Variants in ZNF516 observed in about 807,000 individuals in gnomAD.
ZNF516 encodes the protein zinc finger protein 516.
In ZNF516, 19 loss-of-function variants were observed where a neutral mutation model predicts 79.7. That is an observed-to-expected ratio of 0.24 (90% CI 0.17 to 0.35). The LOEUF (loss-of-function observed/expected upper bound fraction) is 0.35, where lower values mean the gene tolerates loss of function less well. ZNF516 is among the 10% of genes least tolerant of loss of function. ZNF516 has a pLI of 1.00. For synonymous variants in ZNF516, 877 were observed against 739.5 expected (o/e 1.19, Z -3.02); for missense variants, 1,678 against 1,679.5 (o/e 1.00, Z 0.02).
At chr18:76,381,891 G>C (rs925405069) in intron 3 of ZNF516, among the ~76,000 whole-genome samples, 3 of 152,234 alleles carry the variant, frequency 2.0e-5, no homozygotes, top group African/African-American at 4.8e-5. Flanking sequence ...CAGCACTATG[G>C]GGGGCCGAGG....
chr18:76,390,820 T>A (rs1175363266), intron 3 of ZNF516, among the ~76,000 whole-genome samples: 2 of 152,146 alleles, frequency 1.3e-5, no homozygotes, highest in Admixed American at 6.6e-5. Flanking sequence ...CCTGGAACCA[T>A]GCCAGGAACT....
chr18:76,376,101 G>A (rs2144987604), intron 4 of ZNF516, among the ~76,000 whole-genome samples: 1 of 152,372 alleles, frequency 6.6e-6, no homozygotes, highest in East Asian at 1.9e-4. Flanking sequence ...AAGCCTTAAA[G>A]AACTATGACA....
chr18:76,457,573 C>T (rs889302834), intron 2 of ZNF516, among the ~76,000 whole-genome samples: 3 of 152,166 alleles, frequency 2.0e-5, no homozygotes, highest in Admixed American at 2.0e-4. Context: ...ACAAATTAGC[C>T]GAGCGTGGCA....
intron 6 of ZNF516, among the ~76,000 whole-genome samples, chr18:76,366,823 T>A (rs1021514706): frequency 2.6e-5 from 4 of 152,196 alleles, no homozygotes; most frequent in Non-Finnish European, 5.9e-5. Context: ...TAAGCACCAT[T>A]ATCATTATTT....
In ZNF516 at chr18:76,379,205, G is replaced by A. The variant is rs776583239; in HGVS notation, c.2909C>T (p.Ala970Val). Residue 970 changes from alanine to valine, a missense_variant, in exon 4 of 7, where the codon GCC (alanine) becomes GTC (valine). Physicochemically the swap from Ala to Val is moderately conservative, Grantham distance 64. This residue lies in a region of ZNF516 where 1,294 missense variants were observed against 1,248.3 expected (regional missense o/e 1.04). Coordinates refer to ENST00000443185, the MANE Select transcript of ZNF516 (RefSeq NM_014643.4). ...GAATTTGGCTTTCAGGGAGTCCGGG[G>A]CACTGTGCTTATTTGTGGGGGCAAA... ...AGFAPTNKHS[A>V]PDSLKAKFSA... 3.7e-6 allele frequency: 6 copies of A among 1,612,892 alleles called. No homozygotes were observed. The East Asian group carries it at 1.3e-4, about 36-fold the overall frequency.
At chr18:76,398,670 A>G (rs189448829) in intron 3 of ZNF516, among the ~76,000 whole-genome samples, 15 of 152,322 alleles carry the variant, frequency 9.8e-5, no homozygotes, top group Admixed American at 9.1e-4. Context: ...AGTCACAAAG[A>G]ATACAATTAA....
chr18:76,361,641 G>T lies in ZNF516; in HGVS notation c.*857C>A, dbSNP rs751555980. On this transcript the variant is annotated 3_prime_UTR_variant, in exon 7 of 7. Coordinates refer to ENST00000443185, the MANE Select transcript of ZNF516 (RefSeq NM_014643.4). The stretch of plus-strand genomic sequence containing the variant: ...GGAGGACTCAGTGGCTAAATAATTT[G>T]TTAAGACGTATAGTCTTCCTTTGTA... The T allele has an allele frequency of 1.3e-5, 2 of 152,218 alleles. No individual in the cohort carries two copies. Among genetic ancestry groups the T allele is most frequent in the Non-Finnish European group, 2.9e-5 (2 of 68,046 alleles). 9.4% of individuals were successfully genotyped at this position (152,218 alleles called of 1,614,324 possible).
At chr18:76,369,396 G>A (rs550747328) in intron 6 of ZNF516, among the ~76,000 whole-genome samples, 4 of 152,106 alleles carry the variant, frequency 2.6e-5, no homozygotes, top group South Asian at 2.1e-4. Flanking sequence ...ACAATACACA[G>A]AAATTCCAAC....
intron 1 of ZNF516, among the ~76,000 whole-genome samples, chr18:76,463,950 A>T (rs1468170973): frequency 3.9e-5 from 6 of 152,322 alleles, no homozygotes; most frequent in African/African-American, 9.6e-5. Context: ...AGACAGAAGA[A>T]GATCCACCGA....
At chr18:76,482,787 A>C (rs1020852560) in intron 1 of ZNF516, among the ~76,000 whole-genome samples, 1 of 152,230 alleles carries the variant, frequency 6.6e-6, no homozygotes, top group East Asian at 1.9e-4. Flanking sequence ...ACATACAAAT[A>C]GTGAGATTTC....
chr18:76,421,970 GTTTT>G lies in ZNF516; in HGVS notation c.1810+19271_1810+19274del, dbSNP rs1183236034. On this transcript the variant is annotated intron_variant, in intron 3 of 6. Transcript: ENST00000443185. ...TAAGGCAAGTGTTTTGTTTTGTTTTGTTTTTTGTTTTTAATCTTAGAAATTAAAT... is the reference window on the plus strand; with the variant it reads ...TAAGGCAAGTGTTTTGTTTTGTTTTGTTGTTTTTAATCTTAGAAATTAAAT... 2.6e-5 allele frequency among the ~76,000 whole-genome samples: 4 copies of G among 152,176 alleles called. No homozygotes were observed. The South Asian group carries it at 8.3e-4, about 32-fold the overall frequency.
intron 1 of ZNF516, among the ~76,000 whole-genome samples, chr18:76,487,777 T>C (rs1034636327): frequency 6.6e-6 from 1 of 151,262 alleles, no homozygotes; most frequent in Non-Finnish European, 1.5e-5. Context: ...CACTGGTTCC[T>C]GGGACCAGAG....
At chr18:76,479,693 T>C (rs1297524377) in intron 1 of ZNF516, among the ~76,000 whole-genome samples, 1 of 152,220 alleles carries the variant, frequency 6.6e-6, no homozygotes, top group East Asian at 1.9e-4. Context: ...GAGACCTGGG[T>C]GCAGGGAACA....
rs548089058 is a variant in ZNF516 at position 76,470,893 on chromosome 18, C to T, written c.-271-7752G>A. 1.8e-4 allele frequency among the ~76,000 whole-genome samples: 27 copies of T among 152,156 alleles called. No homozygotes were observed. In the East Asian group the frequency reaches 3.7e-3, roughly 21 times the overall value. On this transcript the variant is annotated intron_variant, in intron 1 of 6. Coordinates refer to ENST00000443185, the MANE Select transcript of ZNF516 (RefSeq NM_014643.4). ...TTAGCCTGGCATGGTGGCAGGCGCC[C>T]GTAGTCCCAGCTACTCGGGAGCCTG...
At position 76,441,842 on chromosome 18, in the gene ZNF516, G is replaced by C. The variant is rs1323463774; in HGVS notation, c.1213C>G (p.Arg405Gly). ...GDSCPGTQAG[R>G]RVAELDPVNS... ...ACCGGGTCCAGCTCAGCCACCCGCCGTCCGGCCTGCGTGCCAGGGCACGAG... is the reference window on the plus strand; with the variant it reads ...ACCGGGTCCAGCTCAGCCACCCGCCCTCCGGCCTGCGTGCCAGGGCACGAG... The change falls in exon 3 of 7, where the codon CGG becomes GGG. Residue 405 changes from arginine to glycine, a missense_variant. Physicochemically the swap from Arg to Gly is moderately radical, Grantham distance 125. Coordinates refer to ENST00000443185, the MANE Select transcript of ZNF516 (RefSeq NM_014643.4). 1 of 1,571,880 alleles carries C rather than the reference G, an allele frequency of 6.4e-7. No individual in the cohort carries two copies. The highest frequency in any genetic ancestry group is 8.6e-7 in the Non-Finnish European group (1 of 1,165,852).
chr18:76,390,592 A>G (rs2075056627), intron 3 of ZNF516, among the ~76,000 whole-genome samples: 1 of 152,230 alleles, frequency 6.6e-6, no homozygotes, highest in African/African-American at 2.4e-5. Context: ...CAAGCAGCCC[A>G]GCTGCCAGCA....
At position 76,361,298 on chromosome 18, in the gene ZNF516, T is replaced by C. The variant is rs1225517384; in HGVS notation, c.*1200A>G. 6.6e-6 allele frequency: 1 copy of C among 152,254 alleles called. No homozygotes were observed. Among genetic ancestry groups the C allele is most frequent in the Admixed American group, 6.5e-5 (1 of 15,286 alleles). 9.4% of individuals were successfully genotyped at this position (152,254 alleles called of 1,614,324 possible). ...GGAATACCATTTCAATTGCGTACAC[T>C]GCATGGTTTAAGATCCTTTGTTATG... is the stretch of plus-strand genomic sequence containing the variant. On this transcript the variant is annotated 3_prime_UTR_variant, in exon 7 of 7. Transcript: ENST00000443185.
chr18:76,487,825 C>T (rs1169499839), intron 1 of ZNF516: 1 of 595,128 alleles, frequency 1.7e-6, no homozygotes, highest in Non-Finnish European at 2.1e-6. Flanking sequence ...AAAATGCTGT[C>T]TCCTCTATGG....
chr18:76,486,664 C>T (rs1914850954), intron 1 of ZNF516, among the ~76,000 whole-genome samples: 1 of 144,730 alleles, frequency 6.9e-6, no homozygotes, highest in African/African-American at 2.6e-5. Context: ...CGGTGAGAGA[C>T]GTTGTCTACC....
Sources: gnomAD v4.1 joint callset for allele counts (sites outside exome capture counted in the v4.1 genomes callset) on GRCh38, gnomAD v4.1.1 for gene constraint, gnomAD v4.1.1 regional missense constraint, MANE v1.5 for transcripts, NCBI Gene and HGNC (gene_info 2026-07-23, HGNC 2026-07-21) for gene names.